CD69: variants seen among roughly 807,000 people sequenced by gnomAD.
The protein encoded by CD69 is CD69 molecule, also known as early activation antigen CD69.
Under a neutral mutation model 21.4 loss-of-function variants are expected in CD69, and 10 were observed. That is an observed-to-expected ratio of 0.47 (90% CI 0.29 to 0.79). CD69 has a LOEUF of 0.79. Among genes scored for constraint, CD69 ranks in the 30% least tolerant of loss-of-function variants. The pLI, the probability that CD69 is intolerant of heterozygous loss-of-function variation, is 0.09. For synonymous variants in CD69, 63 were observed against 78.2 expected (o/e 0.81, Z 1.03); for missense variants, 204 against 236.9 (o/e 0.86, Z 0.91).
At chr12:9,758,969 G>A (rs540387630) in intron 1 of CD69, among the ~76,000 whole-genome samples, 26 of 150,664 alleles carry the variant, frequency 1.7e-4, no homozygotes, top group Middle Eastern at 3.4e-3. Context: ...TCGCTCTGTC[G>A]TCCAGGCTGG....
rs57945372 is a variant in CD69, at chr12:9,759,484, GTTA to G, written c.64+1270_64+1272del. ...ACCTATGCTCTCTATTTATTGAGTA[GTTA>G]TTATTATTATTATTATTATTATTTC... On this transcript the variant is annotated intron_variant, in intron 1 of 4. Coordinates refer to ENST00000228434, the MANE Select transcript of CD69 (RefSeq NM_001781.2). Among the ~76,000 whole-genome samples, 34 of 148,290 alleles carry G rather than the reference GTTA, an allele frequency of 2.3e-4. 1 individual carries two copies. Among genetic ancestry groups the G allele is most frequent in the Middle Eastern group, 7.1e-3 (2 of 282 alleles).
At chr12:9,759,863 G>T (rs1866717200) in intron 1 of CD69, among the ~76,000 whole-genome samples, 1 of 152,132 alleles carries the variant, frequency 6.6e-6, no homozygotes, top group Admixed American at 6.5e-5. Context: ...CAGAAGTAAG[G>T]TATAGAAAAA....
chr12:9,756,826 G>A (rs1388322268), intron 1 of CD69, among the ~76,000 whole-genome samples: 1 of 152,150 alleles, frequency 6.6e-6, no homozygotes, highest in Non-Finnish European at 1.5e-5. Context: ...TGTAATCTCA[G>A]CATTTTGGGA....
intron 2 of CD69, 99 bp from the exon 3 acceptor site, chr12:9,755,360 T>C: frequency 1.0e-6 from 1 of 958,654 alleles, no homozygotes; most frequent in Non-Finnish European, 1.6e-6. Context: ...TAGGTGGTGA[T>C]AAAGTAAAGG....
chr12:9,757,127 A>G (rs968912237), intron 1 of CD69, among the ~76,000 whole-genome samples: 1 of 152,152 alleles, frequency 6.6e-6, no homozygotes, highest in Non-Finnish European at 1.5e-5. Flanking sequence ...TAATTCCTTA[A>G]TCTCCTTGTA....
chr12:9,753,929 G>A (rs1262954398), intron 4 of CD69, among the ~76,000 whole-genome samples: 1 of 152,180 alleles, frequency 6.6e-6, no homozygotes, highest in East Asian at 1.9e-4. Flanking sequence ...AGTGCATACA[G>A]CTTTAAGGGG....
In CD69 at chr12:9,755,081, A is replaced by G. The variant is rs770393472; in HGVS notation, c.368T>C (p.Ile123Thr). The G allele has an allele frequency of 3.7e-6, 6 of 1,614,016 alleles. No individual in the cohort carries two copies. The highest frequency in any genetic ancestry group is 2.7e-5 in the African/African-American group (2 of 75,052). Residue 123 changes from isoleucine (I) to threonine (T), a missense_variant, in exon 3 of 5, where the codon ATT (isoleucine) becomes ACT (threonine). Transcript: ENST00000228434. The stretch of plus-strand genomic sequence containing the variant: ...TCTTACCATGTCCTTTTCAGAATCA[A>G]TGACAGCAAGAGTAGCACCATGTTC... The part of the protein sequence containing the change: ...CSEHGATLAV[I>T]DSEKDMNFLK...
chr12:9,753,253 C>T lies in CD69; in HGVS notation c.*228G>A. The stretch of plus-strand genomic sequence containing the variant: ...CTCATTCTTGGGCATGGTTATTGGT[C>T]AACCTGTGATGCTTCTAGCTCATGG... On this transcript the variant is annotated 3_prime_UTR_variant, in exon 5 of 5. Coordinates refer to ENST00000228434, the MANE Select transcript of CD69 (RefSeq NM_001781.2). 1 of 311,898 alleles carries T rather than the reference C, an allele frequency of 3.2e-6. No homozygotes were observed. Among genetic ancestry groups the T allele is most frequent in the South Asian group, 1.1e-4 (1 of 8,830 alleles). 19.3% of individuals were successfully genotyped at this position (311,898 alleles called of 1,614,324 possible).
intron 1 of CD69, among the ~76,000 whole-genome samples, chr12:9,756,677 CAT>C (rs1157102257): frequency 6.6e-6 from 1 of 152,112 alleles, no homozygotes; most frequent in Non-Finnish European, 1.5e-5. Flanking sequence ...TTACCTGACA[CAT>C]ATGATTTATA....
rs1591727238 is a variant in CD69 at position 9,753,358 on chromosome 12, A to T, written c.*123T>A. The T allele has an allele frequency of 3.2e-6, 1 of 315,178 alleles. No homozygotes were observed. The highest frequency in any genetic ancestry group is 6.1e-5 in the Admixed American group (1 of 16,494). 19.5% of individuals were successfully genotyped at this position (315,178 alleles called of 1,614,324 possible). A position where few individuals can be genotyped will look rare whatever the true frequency, so the allele number is the denominator to read the frequency against. On this transcript the variant is annotated 3_prime_UTR_variant, in exon 5 of 5. Transcript: ENST00000228434. ...TTCTGTTTGGAAGAAAATTCCCAAGACACTATAAAATTTTTTTTCACAAAG... is the reference window on the plus strand; with the variant it reads ...TTCTGTTTGGAAGAAAATTCCCAAGTCACTATAAAATTTTTTTTCACAAAG...
chr12:9,758,373 T>C (rs1221195995), intron 1 of CD69, among the ~76,000 whole-genome samples: 1 of 152,136 alleles, frequency 6.6e-6, no homozygotes, highest in African/African-American at 2.4e-5. Context: ...ATAGAAAACA[T>C]TCTATTTTTC....
Position 9,756,934 on chromosome 12 carries a change from G to A in CD69, c.65-515C>T, listed in dbSNP as rs1394464254. On this transcript the variant is annotated intron_variant, in intron 1 of 4. Coordinates refer to ENST00000228434, the MANE Select transcript of CD69 (RefSeq NM_001781.2). ...TCTCCACCAAAAATACAAAAAATTA[G>A]CTGGTCATGGTGGCACGCACTTGTG... is the stretch of plus-strand genomic sequence containing the variant. Among the ~76,000 whole-genome samples, 3 of 152,056 alleles carry A rather than the reference G, an allele frequency of 2.0e-5. No individual in the cohort carries two copies. The South Asian group carries it at 6.2e-4, about 32-fold the overall frequency.
chr12:9,754,768 G>T, intron 3 of CD69, 78 bp from the exon 4 acceptor site: 1 of 959,396 alleles, frequency 1.0e-6, no homozygotes, highest in South Asian at 1.3e-5. Flanking sequence ...TTTCTCAAAA[G>T]CTGCAACTTG....
At position 9,754,687 on chromosome 12, in the gene CD69, A is replaced by G. The variant is rs1866663410; in HGVS notation, c.391T>C (p.Phe131Leu). The G allele has an allele frequency of 6.3e-7, 1 of 1,592,106 alleles. No individual in the cohort carries two copies. Among genetic ancestry groups the G allele is most frequent in the Non-Finnish European group, 8.6e-7 (1 of 1,160,030 alleles). Residue 131 changes from phenylalanine (F) to leucine (L), a missense_variant, in exon 4 of 5, where the codon TTT (phenylalanine) becomes CTT (leucine). Physicochemically the swap from Phe to Leu is conservative, Grantham distance 22 (BLOSUM62 0). Transcript: ENST00000228434. The part of the protein sequence containing the change: ...AVIDSEKDMN[F>L]LKRYAGREEH... Reference sequence around the variant, plus strand: ...TCTCTACCTGCGTATCGTTTTAGAAAGTTCTTAAAGAAAGCACAAAGGAGT... The same window carrying G: ...TCTCTACCTGCGTATCGTTTTAGAAGGTTCTTAAAGAAAGCACAAAGGAGT...
Position 9,756,172 on chromosome 12 carries a change from G to A in CD69, c.187+125C>T, listed in dbSNP as rs186586360. On this transcript the variant is annotated intron_variant, in intron 2 of 4. Transcript: ENST00000228434. ...ATTGATTAGGAAATTGGCCATATATGGTACATGGGATGATTCTGAATTAGC... is the reference window on the plus strand; with the variant it reads ...ATTGATTAGGAAATTGGCCATATATAGTACATGGGATGATTCTGAATTAGC... 280 of 722,170 alleles carry A rather than the reference G, an allele frequency of 3.9e-4. 1 individual carries two copies. Among genetic ancestry groups the A allele is most frequent in the Non-Finnish European group, 5.2e-4 (241 of 463,486 alleles). The allele number at this position is 722,170 out of a possible 1,614,324, so 44.7% of individuals were successfully genotyped here. A position where few individuals can be genotyped will look rare whatever the true frequency, so the allele number is the denominator to read the frequency against.
chr12:9,753,385 C>T lies in CD69; in HGVS notation c.*96G>A, dbSNP rs1165153698. On this transcript the variant is annotated 3_prime_UTR_variant, in exon 5 of 5. Transcript: ENST00000228434. The stretch of plus-strand genomic sequence containing the variant: ...ACTATAAAATTTTTTTTCACAAAGT[C>T]TCTATGGAAGACTTCGGACCACAGA... The T allele has an allele frequency of 4.0e-6, 2 of 494,962 alleles. No homozygotes were observed. The highest frequency in any genetic ancestry group is 6.9e-5 in the East Asian group (2 of 29,132). The allele number at this position is 494,962 out of a possible 1,614,324, so 30.7% of individuals were successfully genotyped here. A position where few individuals can be genotyped will look rare whatever the true frequency, so the allele number is the denominator to read the frequency against.
intron 1 of CD69, among the ~76,000 whole-genome samples, chr12:9,759,513 T>C (rs1310703608): frequency 6.6e-6 from 1 of 151,042 alleles, no homozygotes; most frequent in Non-Finnish European, 1.5e-5. Context: ...TTATTATTTC[T>C]TTTTGGCGGC....
At chr12:9,759,084 C>G (rs3136567) in intron 1 of CD69, among the ~76,000 whole-genome samples, 13 of 152,022 alleles carry the variant, frequency 8.6e-5, no homozygotes, top group African/African-American at 3.1e-4. Context: ...CGCCCGCCCC[C>G]ACGCCCGGCT....
intron 3 of CD69, 47 bp downstream of exon 3, chr12:9,755,015 G>T: frequency 7.0e-7 from 1 of 1,435,820 alleles, no homozygotes; most frequent in Non-Finnish European, 9.8e-7. Flanking sequence ...GCACTGATTA[G>T]CCATATGAAT....
Sources: allele counts gnomAD v4.1 joint callset (sites outside exome capture counted in the v4.1 genomes callset), GRCh38; gene constraint gnomAD v4.1.1; transcripts MANE v1.5; gene names NCBI Gene and HGNC (gene_info 2026-07-23, HGNC 2026-07-21).